Variants in TTLL9 observed in about 807,000 individuals in gnomAD.
TTLL9 encodes the protein probable tubulin polyglutamylase TTLL9.
A neutral mutation model predicts 65.6 loss-of-function variants in TTLL9; 47 were observed. That is an observed-to-expected ratio of 0.72 (90% CI 0.57 to 0.91). The LOEUF is 0.91. TTLL9 is among the 40% of genes least tolerant of loss of function. The pLI, the probability that TTLL9 is intolerant of heterozygous loss-of-function variation, is 0.00. For missense variants in TTLL9, 537 were observed against 568.8 expected, an observed-to-expected ratio of 0.94 and a Z score of 0.57; for synonymous variants, 179 against 204.8, an observed-to-expected ratio of 0.87 and a Z score of 1.07.
Position 31,939,257 on chromosome 20 carries a change from A to C in TTLL9, c.1234A>C (p.Thr412Pro). The C allele has an allele frequency of 6.2e-7, 1 of 1,613,550 alleles. No homozygotes were observed. Among genetic ancestry groups the C allele is most frequent in the Non-Finnish European group, 8.5e-7 (1 of 1,179,794 alleles). The change falls in exon 14 of 15, where the codon ACA (threonine) becomes CCA (proline). Residue 412 changes from threonine (T) to proline (P), a missense_variant. Around this residue, in one of 3 missense-constraint regions of TTLL9, gnomAD observed 205 missense variants for 225.9 expected, o/e 0.91. Coordinates refer to ENST00000535842, the MANE Select transcript of TTLL9 (RefSeq NM_001008409.5). ...LSGMGNFVTN[T>P]HLGCVNDRKK... Reference sequence around the variant, plus strand: ...GGGAATGGGAAACTTTGTGACCAACACACATCTCGGTATGTAGGGCCAGGT... The same window carrying C: ...GGGAATGGGAAACTTTGTGACCAACCCACATCTCGGTATGTAGGGCCAGGT...
intron 13 of TTLL9, chr20:31,938,044 G>C (rs572060935): frequency 1.1e-4 from 41 of 378,940 alleles, no homozygotes; most frequent in Non-Finnish European, 1.5e-4. Context: ...CTCTCTCTCT[G>C]TTTCTCTCTC....
intron 3 of TTLL9, among the ~76,000 whole-genome samples, chr20:31,896,282 G>C (rs2063387498): frequency 6.6e-6 from 1 of 152,118 alleles, no homozygotes; most frequent in African/African-American, 2.4e-5. Context: ...CCGGCCCCCT[G>C]GCCCTATTTT....
At chr20:31,887,557 G>A (rs567994787) in intron 3 of TTLL9, among the ~76,000 whole-genome samples, 2 of 152,316 alleles carry the variant, frequency 1.3e-5, no homozygotes, top group East Asian at 3.9e-4. Flanking sequence ...TAGGGGCAGA[G>A]CTAGTTGGAC....
intron 4 of TTLL9, among the ~76,000 whole-genome samples, chr20:31,904,475 G>A (rs1233366419): frequency 2.0e-5 from 3 of 148,324 alleles, no homozygotes; most frequent in Non-Finnish European, 3.0e-5. Context: ...CTGCCACCTC[G>A]GCCCCCTGAG....
chr20:31,924,136 C>T (rs1334704330), intron 8 of TTLL9, among the ~76,000 whole-genome samples: 1 of 152,074 alleles, frequency 6.6e-6, no homozygotes, highest in African/African-American at 2.4e-5. Flanking sequence ...TGGAATCTGG[C>T]CATTCCTCTC....
chr20:31,881,755 G>GA (rs1185789359), intron 2 of TTLL9, among the ~76,000 whole-genome samples: 1 of 151,682 alleles, frequency 6.6e-6, no homozygotes, highest in Non-Finnish European at 1.5e-5. Context: ...GAAAGTGTTA[G>GA]AAAAAAAGAA....
chr20:31,944,657 T>C lies in TTLL9; in HGVS notation c.*1636T>C, dbSNP rs554077096. ...TGACCCACACTCATGTTTTAAAAGT[T>C]TCTGCATTAGTCAAAAATATTTAAA... On this transcript the variant is annotated 3_prime_UTR_variant, in exon 15 of 15. Transcript: ENST00000535842. The C allele has an allele frequency of 6.6e-6, 1 of 152,354 alleles. No homozygotes were observed. The highest frequency in any genetic ancestry group is 2.1e-4 in the South Asian group (1 of 4,830). The allele number at this position is 152,354 out of a possible 1,614,324, so 9.4% of individuals were successfully genotyped here.
At chr20:31,939,371 T>A in intron 14 of TTLL9, 105 bp downstream of exon 14, 1 of 1,333,126 alleles carries the variant, frequency 7.5e-7, no homozygotes, top group Admixed American at 2.4e-5. Flanking sequence ...TTGAATTCAA[T>A]CTGCAACTTA....
In TTLL9 at chr20:31,870,743, G is replaced by A; in HGVS notation, c.-212G>A. The A allele has an allele frequency of 1.9e-6, 1 of 526,710 alleles. No individual in the cohort carries two copies. Among genetic ancestry groups the A allele is most frequent in the Non-Finnish European group, 3.0e-6 (1 of 331,716 alleles). The allele number at this position is 526,710 out of a possible 1,614,324, so 32.6% of individuals were successfully genotyped here. ...CCTTACCCCACCCTGGCACCGGCAGGCGCGGGCGGATGGGGGGATGTCGCC... is the reference window on the plus strand; with the variant it reads ...CCTTACCCCACCCTGGCACCGGCAGACGCGGGCGGATGGGGGGATGTCGCC... On this transcript the variant is annotated 5_prime_UTR_variant, in exon 1 of 15. Coordinates refer to ENST00000535842, the MANE Select transcript of TTLL9 (RefSeq NM_001008409.5). The surrounding 1 kb of genome is among the most constrained non-coding windows in gnomAD (Gnocchi z 6.6).
At chr20:31,889,100 C>T (rs2063243483) in intron 3 of TTLL9, among the ~76,000 whole-genome samples, 1 of 151,708 alleles carries the variant, frequency 6.6e-6, no homozygotes, top group Non-Finnish European at 1.5e-5. Flanking sequence ...TATTTATGTG[C>T]CTTATTGAGG....
chr20:31,898,398 T>G (rs1218980422), intron 3 of TTLL9, 75 bp from the exon 4 acceptor site: 5 of 1,328,412 alleles, frequency 3.8e-6, no homozygotes, highest in Non-Finnish European at 5.4e-6. Flanking sequence ...CTTCTCTTCC[T>G]CCTTTTTTCC....
chr20:31,886,653 C>T (rs1013985552), intron 2 of TTLL9, among the ~76,000 whole-genome samples: 1 of 152,166 alleles, frequency 6.6e-6, no homozygotes, highest in African/African-American at 2.4e-5. Flanking sequence ...AACCCCATCT[C>T]TATTAAAAAT....
intron 12 of TTLL9, among the ~76,000 whole-genome samples, chr20:31,935,824 C>A (rs1052509124): frequency 3.3e-5 from 5 of 152,152 alleles, no homozygotes; most frequent in African/African-American, 1.2e-4. Flanking sequence ...CTGCTGAGAC[C>A]CCTAAACAAT....
At chr20:31,916,560 C>A (rs959667218) in intron 6 of TTLL9, among the ~76,000 whole-genome samples, 1 of 152,138 alleles carries the variant, frequency 6.6e-6, no homozygotes, top group Non-Finnish European at 1.5e-5. Context: ...TGTTATCTCA[C>A]AGAACAAGAA....
intron 11 of TTLL9, 109 bp downstream of exon 11, chr20:31,933,967 T>A: frequency 8.2e-7 from 1 of 1,212,134 alleles, no homozygotes; most frequent in Non-Finnish European, 1.1e-6. Context: ...GAGCCTGTGT[T>A]CACCAGTGAG....
chr20:31,925,648 G>A (rs183080801), intron 9 of TTLL9, among the ~76,000 whole-genome samples: 49 of 152,218 alleles, frequency 3.2e-4, no homozygotes, highest in African/African-American at 1.2e-3. Context: ...TGTTCTCCTG[G>A]ACTTCACCTT....
In TTLL9 at chr20:31,943,388, C is replaced by A; in HGVS notation, c.*367C>A. The A allele has an allele frequency of 2.9e-6, 1 of 340,436 alleles. No individual in the cohort carries two copies. The allele number at this position is 340,436 out of a possible 1,614,324, so 21.1% of individuals were successfully genotyped here. ...GAGTCACTGGGCACCAGGCCTGGTT[C>A]CGGGGATACTGTTGGCTGCAGCCAA... On this transcript the variant is annotated 3_prime_UTR_variant, in exon 15 of 15. Coordinates refer to ENST00000535842, the MANE Select transcript of TTLL9 (RefSeq NM_001008409.5).
At chr20:31,880,852 C>CTTTT (rs35047352) in intron 2 of TTLL9, among the ~76,000 whole-genome samples, 8 of 108,240 alleles carry the variant, frequency 7.4e-5, no homozygotes, top group African/African-American at 1.5e-4. Flanking sequence ...TCTTTCTTTC[C>CTTTT]TTTTTTTTTT....
In TTLL9 at chr20:31,925,141, G is replaced by A. The variant is rs2063878872; in HGVS notation, c.705+92G>A. 27 of 1,362,966 alleles carry A rather than the reference G, an allele frequency of 2.0e-5. No individual in the cohort carries two copies. The South Asian group carries it at 2.6e-4, about 13-fold the overall frequency. The allele number at this position is 1,362,966 out of a possible 1,614,324, so 84.4% of individuals were successfully genotyped here. On this transcript the variant is annotated intron_variant, in intron 9 of 14. Coordinates refer to ENST00000535842, the MANE Select transcript of TTLL9 (RefSeq NM_001008409.5). ...GGGAAGAGGCCTGGGGGTACCTTGTGTGAGCTTGTCTGGTTTTATCTCTCC... is the reference window on the plus strand; with the variant it reads ...GGGAAGAGGCCTGGGGGTACCTTGTATGAGCTTGTCTGGTTTTATCTCTCC...
Sources: gnomAD v4.1 joint callset for allele counts (sites outside exome capture counted in the v4.1 genomes callset) on GRCh38, gnomAD v4.1.1 for gene constraint, gnomAD v4.1.1 regional missense constraint, Gnocchi (gnomAD v3.1) non-coding constraint, MANE v1.5 for transcripts, NCBI Gene and HGNC (gene_info 2026-07-23, HGNC 2026-07-21) for gene names.